The following SCML2 variants were observed in gnomAD, a reference collection of about 807,000 sequenced individuals.
SCML2 encodes Scm polycomb group protein like 2.
Under a neutral mutation model 48.4 loss-of-function variants are expected in SCML2, and 6 were observed. The ratio of observed to expected loss-of-function variants is 0.12; its 90% CI spans 0.07 to 0.24. The LOEUF (loss-of-function observed/expected upper bound fraction) is 0.24. SCML2 is among the 10% of genes least tolerant of loss of function. SCML2 has a pLI of 1.00. For missense variants in SCML2, 377 were observed against 528.2 expected (o/e 0.71, Z 2.81); for synonymous variants, 181 against 189.5 (o/e 0.95, Z 0.37).
chrX:18,351,443 C>T (rs1930372628), intron 1 of SCML2, among the ~76,000 whole-genome samples: 1 of 110,479 alleles, frequency 9.1e-6, no homozygotes, highest in African/African-American at 3.3e-5. Context: ...TACAAAACAC[C>T]TTCTGGCAAT....
intron 8 of SCML2, among the ~76,000 whole-genome samples, chrX:18,261,688 C>A (rs1927070234): frequency 9.1e-6 from 1 of 109,949 alleles, no homozygotes; most frequent in African/African-American, 3.5e-5. Context: ...TAGCTTGGAA[C>A]TGGAAACTAA....
intron 11 of SCML2, among the ~76,000 whole-genome samples, chrX:18,254,624 T>A (rs1926774239): frequency 8.9e-6 from 1 of 112,098 alleles, no homozygotes; most frequent in Admixed American, 9.5e-5. Flanking sequence ...ATGCTTTGTG[T>A]AAGAAATCAG....
Position 18,246,649 on chromosome X carries a change from G to T in SCML2, c.1750C>A (p.Pro584Thr), listed in dbSNP as rs1354306592. Residue 584 changes from proline (P) to threonine (T), a missense_variant, in exon 13 of 15, where the codon CCA (proline) becomes ACA (threonine). Pro to Thr is a conservative substitution (Grantham distance 38). This residue lies in a region of SCML2 where 299 missense variants were observed against 425.5 expected (regional missense o/e 0.70). Coordinates refer to ENST00000251900, the MANE Select transcript of SCML2 (RefSeq NM_006089.3). ...SRSVPGTTSS[P>T]LVGDISPKSS... ...TTGGGGGATATGTCCCCAACTAGTGGTGAACTTGTGGTGCCTGGCACACTT... is the reference window on the plus strand; with the variant it reads ...TTGGGGGATATGTCCCCAACTAGTGTTGAACTTGTGGTGCCTGGCACACTT... The T allele has an allele frequency of 2.5e-6, 3 of 1,208,180 alleles. No individual in the cohort carries two copies. The highest frequency in any genetic ancestry group is 1.7e-5 in the African/African-American group (1 of 57,213).
chrX:18,333,984 T>C lies in SCML2; in HGVS notation c.22+66A>G, dbSNP rs190482414. On this transcript the variant is annotated intron_variant, in intron 2 of 14. Coordinates refer to ENST00000251900, the MANE Select transcript of SCML2 (RefSeq NM_006089.3). ...AAGGCTTTATTTCAAAAGTTCAGTA[T>C]ACCAGAAGATATTCATTCCAAATGA... The C allele has an allele frequency of 6.8e-4, 678 of 997,821 alleles. 1 individual carries two copies. In the African/African-American group the frequency reaches 0.011, roughly 16 times the overall value. 82.2% of individuals were successfully genotyped at this position (997,821 alleles called of 1,213,427 possible).
At chrX:18,320,118 G>A (rs1929268240) in intron 6 of SCML2, among the ~76,000 whole-genome samples, 2 of 112,342 alleles carry the variant, frequency 1.8e-5, no homozygotes, top group South Asian at 7.5e-4. Flanking sequence ...TTTGATCTTG[G>A]ACTTACAGCC....
At chrX:18,312,132 G>C (rs915389848) in intron 6 of SCML2, among the ~76,000 whole-genome samples, 2 of 112,024 alleles carry the variant, frequency 1.8e-5, no homozygotes, top group Admixed American at 9.5e-5. Flanking sequence ...TTGCTGTGCT[G>C]ATGATAGCCT....
intron 13 of SCML2, among the ~76,000 whole-genome samples, chrX:18,244,744 TC>T (rs369211676): frequency 0.028 from 3,054 of 107,163 alleles, 109 homozygotes; most frequent in African/African-American, 0.091. Flanking sequence ...AGTGATCTGA[TC>T]CCCCCCCCTC....
At chrX:18,264,449 G>A (rs1397935955) in intron 8 of SCML2, among the ~76,000 whole-genome samples, 2 of 103,300 alleles carry the variant, frequency 1.9e-5, no homozygotes, top group Admixed American at 2.1e-4. Context: ...GTGTGTGTGT[G>A]TGTGTGTGTG....
chrX:18,278,843 G>A (rs755813213), intron 7 of SCML2, among the ~76,000 whole-genome samples: 9 of 113,038 alleles, frequency 8.0e-5, no homozygotes, highest in African/African-American at 2.9e-4. Flanking sequence ...TGCAACTAGG[G>A]AGTATACAGC....
At chrX:18,258,830 GAAAATTTT>G (rs1314456146) in intron 9 of SCML2, among the ~76,000 whole-genome samples, 2 of 111,171 alleles carry the variant, frequency 1.8e-5, no homozygotes. Flanking sequence ...ATTCATGGAA[GAAAATTTT>G]AAAATAAACT....
intron 6 of SCML2, among the ~76,000 whole-genome samples, chrX:18,311,907 C>T (rs1056372371): frequency 9.0e-6 from 1 of 111,647 alleles, no homozygotes; most frequent in Non-Finnish European, 1.9e-5. Context: ...TCTCCTGTTT[C>T]AGCCACCCGA....
chrX:18,304,910 C>A, intron 7 of SCML2, 62 bp downstream of exon 7: 1 of 1,144,903 alleles, frequency 8.7e-7, no homozygotes. Flanking sequence ...CACAATGCCA[C>A]CAATGACAGT....
At chrX:18,254,153 T>C (rs1771359324) in intron 11 of SCML2, among the ~76,000 whole-genome samples, 1 of 112,356 alleles carries the variant, frequency 8.9e-6, no homozygotes, top group South Asian at 3.7e-4. Context: ...ATGTATACTA[T>C]ACTTCAGTAA....
At chrX:18,301,934 C>T (rs1928604867) in intron 7 of SCML2, among the ~76,000 whole-genome samples, 1 of 111,496 alleles carries the variant, frequency 9.0e-6, no homozygotes, top group Non-Finnish European at 1.9e-5. Context: ...GACTTTCCTT[C>T]TCTTGAGTTT....
intron 4 of SCML2, 109 bp from the exon 5 acceptor site, chrX:18,324,202 G>T: frequency 2.0e-6 from 1 of 502,509 alleles, no homozygotes; most frequent in Non-Finnish European, 3.4e-6. Flanking sequence ...CAGTCACAGT[G>T]GATGATGAGT....
At chrX:18,266,095 C>T (rs1927250277) in intron 7 of SCML2, among the ~76,000 whole-genome samples, 1 of 111,246 alleles carries the variant, frequency 9.0e-6, no homozygotes, top group African/African-American at 3.3e-5. Context: ...TTAGGAACTT[C>T]CCATATTTTT....
chrX:18,312,172 A>G (rs1928971621), intron 6 of SCML2, among the ~76,000 whole-genome samples: 1 of 112,030 alleles, frequency 8.9e-6, no homozygotes, highest in Non-Finnish European at 1.9e-5. Context: ...GACCAGTGAG[A>G]AGCTACTGCA....
chrX:18,298,562 A>C (rs1928472507), intron 7 of SCML2, among the ~76,000 whole-genome samples: 1 of 112,194 alleles, frequency 8.9e-6, no homozygotes, highest in African/African-American at 3.2e-5. Context: ...CCATATGTAA[A>C]AGAATGAAAC....
intron 7 of SCML2, among the ~76,000 whole-genome samples, chrX:18,272,964 T>C (rs1240448794): frequency 1.8e-5 from 2 of 112,192 alleles, no homozygotes; most frequent in East Asian, 5.6e-4. Context: ...ATAACAACAT[T>C]TCCACAGATA....
Sources: gnomAD v4.1 joint callset for allele counts (sites outside exome capture counted in the v4.1 genomes callset) on GRCh38, gnomAD v4.1.1 for gene constraint, gnomAD v4.1.1 regional missense constraint, MANE v1.5 for transcripts, NCBI Gene and HGNC (gene_info 2026-07-23, HGNC 2026-07-21) for gene names.